The following PRKCB variants were observed in gnomAD, a reference collection of about 807,000 sequenced individuals.
The protein encoded by PRKCB is protein kinase C beta.
In PRKCB, 13 loss-of-function variants were observed where a neutral mutation model predicts 81.5. The observed-to-expected ratio is 0.16, with a 90% confidence interval of 0.10 to 0.25. The LOEUF (loss-of-function observed/expected upper bound fraction) is 0.25. Among genes scored for constraint, PRKCB ranks in the 10% least tolerant of loss-of-function variants. The pLI is 1.00. For synonymous variants in PRKCB, 335 were observed against 321.4 expected, an observed-to-expected ratio of 1.04 and a Z score of -0.45; for missense variants, 509 against 875.7, an observed-to-expected ratio of 0.58 and a Z score of 5.29.
In PRKCB at chr16:23,882,025, C is replaced by CT. The variant is rs1597226197; in HGVS notation, c.205+44619_205+44620insT. 3.0e-3 allele frequency among the ~76,000 whole-genome samples: 54 copies of CT among 18,288 alleles called. 2 individuals are homozygous for CT. The highest frequency in any genetic ancestry group is 3.0e-3 in the Non-Finnish European group (25 of 8,372). 12.0% of individuals were successfully genotyped at this position (18,288 alleles called of 152,430 possible). A position where few individuals can be genotyped will look rare whatever the true frequency, so the allele number is the denominator to read the frequency against. On this transcript the variant is annotated intron_variant, in intron 2 of 16. Transcript: ENST00000643927. ...TTCTTTCTTTCTTTCTTTCTTTCTT[C>CT]CTTCCTTCCTTCCTTCCTTCCTTCC...
intron 3 of PRKCB, among the ~76,000 whole-genome samples, chr16:24,020,978 T>TTCTTTCTTTCTTTCTC (rs1965354472): frequency 2.3e-5 from 2 of 85,538 alleles, no homozygotes; most frequent in African/African-American, 1.0e-4. Flanking sequence ...ACTTTTCTTT[T>TTCTTTCTTTCTTTCTC]TCTTTCTTTC....
intron 2 of PRKCB, among the ~76,000 whole-genome samples, chr16:23,897,103 T>C (rs1185008146): frequency 2.0e-5 from 3 of 152,210 alleles, no homozygotes; most frequent in Non-Finnish European, 4.4e-5. Context: ...TACAAGCACC[T>C]CCTGGAGAGT....
At chr16:24,041,561 A>T (rs1567354067) in intron 5 of PRKCB, among the ~76,000 whole-genome samples, 1 of 151,804 alleles carries the variant, frequency 6.6e-6, no homozygotes, top group Non-Finnish European at 1.5e-5. Context: ...TGGAACTCCC[A>T]TTCTATATTC....
chr16:23,869,744 A>G (rs554863408), intron 2 of PRKCB, among the ~76,000 whole-genome samples: 1 of 152,298 alleles, frequency 6.6e-6, no homozygotes, highest in African/African-American at 2.4e-5. Context: ...ATTCATAACT[A>G]TAAGCAGTGG....
chr16:24,206,965 C>G (rs1051290021), intron 16 of PRKCB, among the ~76,000 whole-genome samples: 3 of 152,216 alleles, frequency 2.0e-5, no homozygotes, highest in Admixed American at 2.0e-4. Context: ...GGGTCTCACT[C>G]TGTCACCCAG....
At chr16:24,014,784 T>G (rs2141839989) in intron 3 of PRKCB, among the ~76,000 whole-genome samples, 1 of 152,248 alleles carries the variant, frequency 6.6e-6, no homozygotes, top group African/African-American at 2.4e-5. Context: ...TTTAGTGTGA[T>G]TATTATTTCC....
intron 2 of PRKCB, among the ~76,000 whole-genome samples, chr16:23,908,965 A>G (rs1963610296): frequency 6.6e-6 from 1 of 152,218 alleles, no homozygotes; most frequent in Non-Finnish European, 1.5e-5. Flanking sequence ...TTTCCTCTGC[A>G]CGTCCTTAGC....
At chr16:23,912,971 T>A (rs1033829549) in intron 2 of PRKCB, among the ~76,000 whole-genome samples, 3 of 152,052 alleles carry the variant, frequency 2.0e-5, no homozygotes, top group Non-Finnish European at 2.9e-5. Context: ...ACTACAGATA[T>A]GTGCCACCAC....
In PRKCB at chr16:24,217,055, A is replaced by G. The variant is rs1968238292; in HGVS notation, c.*2239A>G. On this transcript the variant is annotated 3_prime_UTR_variant, in exon 17 of 17. Transcript: ENST00000643927. ...GGCCATTGACAAATGATCTGAGACA[A>G]CTTTAGAAAACAATGTAGGATGAAT... The G allele has an allele frequency of 1.0e-6, 1 of 985,088 alleles. No homozygotes were observed. The highest frequency in any genetic ancestry group is 6.2e-5 in the Admixed American group (1 of 16,220). The allele number at this position is 985,088 out of a possible 1,614,324, so 61.0% of individuals were successfully genotyped here. A position where few individuals can be genotyped will look rare whatever the true frequency, so the allele number is the denominator to read the frequency against.
At chr16:24,209,140 G>T (rs906808436) in intron 16 of PRKCB, among the ~76,000 whole-genome samples, 4 of 152,232 alleles carry the variant, frequency 2.6e-5, no homozygotes, top group Non-Finnish European at 2.9e-5. Flanking sequence ...AAAGAAAAAT[G>T]GTCCCTGAAG....
At chr16:24,178,124 A>C (rs1967562780) in intron 12 of PRKCB, among the ~76,000 whole-genome samples, 1 of 152,210 alleles carries the variant, frequency 6.6e-6, no homozygotes, top group Non-Finnish European at 1.5e-5. Flanking sequence ...TTAAGTAAAG[A>C]GGATGAAGGA....
chr16:23,993,673 TAA>T (rs1964919194), intron 3 of PRKCB, among the ~76,000 whole-genome samples: 1 of 152,162 alleles, frequency 6.6e-6, no homozygotes, highest in East Asian at 1.9e-4. Context: ...TTGGAAAACT[TAA>T]ATGCAATGGG....
At chr16:24,139,322 A>G (rs1184707097) in intron 9 of PRKCB, among the ~76,000 whole-genome samples, 2 of 152,252 alleles carry the variant, frequency 1.3e-5, no homozygotes, top group East Asian at 3.8e-4. Context: ...TAGACGACAC[A>G]GCCCAGAGTG....
At chr16:24,124,063 A>C in intron 9 of PRKCB, 82 bp downstream of exon 9, 1 of 1,497,434 alleles carries the variant, frequency 6.7e-7, no homozygotes, top group Non-Finnish European at 9.2e-7. Flanking sequence ...TATGGGACGG[A>C]CGTCCTAGTG....
rs749054030 is a variant in PRKCB, at chr16:24,217,737, C to T, written c.*2921C>T. ...ATAAGAGGCCCACAGGCAGGGAAAGCGAAATAGGGTTGATGAGACCAGGGG... is the reference window on the plus strand; with the variant it reads ...ATAAGAGGCCCACAGGCAGGGAAAGTGAAATAGGGTTGATGAGACCAGGGG... On this transcript the variant is annotated 3_prime_UTR_variant, in exon 17 of 17. Coordinates refer to ENST00000643927, the MANE Select transcript of PRKCB (RefSeq NM_002738.7). 2.2e-4 allele frequency: 217 copies of T among 985,218 alleles called. No individual in the cohort carries two copies. Among genetic ancestry groups the T allele is most frequent in the Non-Finnish European group, 2.5e-4 (205 of 829,960 alleles). The allele number at this position is 985,218 out of a possible 1,614,324, so 61.0% of individuals were successfully genotyped here. A position where few individuals can be genotyped will look rare whatever the true frequency, so the allele number is the denominator to read the frequency against.
At chr16:23,886,367 T>C (rs932513800) in intron 2 of PRKCB, among the ~76,000 whole-genome samples, 7 of 151,572 alleles carry the variant, frequency 4.6e-5, no homozygotes, top group Non-Finnish European at 8.8e-5. Flanking sequence ...TCTTTACCTC[T>C]TAGAGTCACT....
intron 16 of PRKCB, among the ~76,000 whole-genome samples, chr16:24,213,497 T>C (rs78594159): frequency 3.9e-5 from 6 of 152,280 alleles, no homozygotes; most frequent in African/African-American, 1.2e-4. Context: ...GCCCACTTCA[T>C]AGGGCCATTG....
intron 7 of PRKCB, among the ~76,000 whole-genome samples, chr16:24,108,282 TA>T (rs60702676): frequency 0.03 from 2,271 of 74,538 alleles, 56 homozygotes; most frequent in African/African-American, 0.14. Context: ...TTTATTTATT[TA>T]TTTTTTTTAT....
intron 5 of PRKCB, among the ~76,000 whole-genome samples, chr16:24,069,576 A>T (rs1266976890): frequency 6.6e-6 from 1 of 152,140 alleles, no homozygotes; most frequent in Non-Finnish European, 1.5e-5. Flanking sequence ...CCCCATTTCT[A>T]CAAAAAATTT....
Sources: allele counts gnomAD v4.1 joint callset (sites outside exome capture counted in the v4.1 genomes callset), GRCh38; gene constraint gnomAD v4.1.1; transcripts MANE v1.5; gene names NCBI Gene and HGNC (gene_info 2026-07-23, HGNC 2026-07-21).